SBF2: variants seen among roughly 807,000 people sequenced by gnomAD.
The protein encoded by SBF2 is myotubularin-related protein 13.
Under a neutral mutation model 225.2 loss-of-function variants are expected in SBF2, and 112 were observed. The ratio of observed to expected loss-of-function variants is 0.50; its 90% CI spans 0.43 to 0.58. The LOEUF is 0.58. Ranked by LOEUF, SBF2 falls within the 20% of genes least tolerant of loss-of-function variation. The probability of loss-of-function intolerance (pLI) is 0.00; values close to 1 mark genes in which losing one functional copy is unlikely to be tolerated. For synonymous variants in SBF2, 763 were observed against 773.3 expected (o/e 0.99, Z 0.22); for missense variants, 1,996 against 2,206.2 (o/e 0.90, Z 1.91).
chr11:10,196,611 T>G (rs1224936160), intron 1 of SBF2, among the ~76,000 whole-genome samples: 1 of 151,764 alleles, frequency 6.6e-6, no homozygotes, highest in Non-Finnish European at 1.5e-5. Flanking sequence ...ACTTCTGGAC[T>G]CAAGCAATCC....
chr11:9,910,889 A>C (rs566765634), intron 16 of SBF2, among the ~76,000 whole-genome samples: 50 of 106,130 alleles, frequency 4.7e-4, no homozygotes, highest in Middle Eastern at 4.3e-3. Context: ...CTACTAAAAT[A>C]CAAAAAAAAA....
chr11:9,866,117 T>C (rs1325663085), intron 17 of SBF2, among the ~76,000 whole-genome samples: 3 of 152,310 alleles, frequency 2.0e-5, no homozygotes, highest in Non-Finnish European at 4.4e-5. Flanking sequence ...TTATTGCATA[T>C]TGGTTATTTT....
intron 3 of SBF2, among the ~76,000 whole-genome samples, chr11:10,031,761 G>A: frequency 6.6e-6 from 1 of 152,274 alleles, no homozygotes; most frequent in South Asian, 2.1e-4. Context: ...TTCCGTTTTT[G>A]AAACAAGGTC....
chr11:9,927,469 A>T (rs1864143301), intron 16 of SBF2, among the ~76,000 whole-genome samples: 1 of 152,204 alleles, frequency 6.6e-6, no homozygotes, highest in Admixed American at 6.5e-5. Context: ...ATGCAGTACT[A>T]TGTGCCTATA....
At chr11:9,808,362 A>G (rs1045418510) in intron 31 of SBF2, 177 bp from the exon 32 acceptor site, 1 of 641,064 alleles carries the variant, frequency 1.6e-6, no homozygotes, top group African/African-American at 1.8e-5. Flanking sequence ...TGCCAGTAAA[A>G]ACTAAAGCTC....
intron 1 of SBF2, among the ~76,000 whole-genome samples, chr11:10,236,618 C>T (rs1424909857): frequency 6.6e-6 from 1 of 151,886 alleles, no homozygotes; most frequent in Non-Finnish European, 1.5e-5. Flanking sequence ...CACCACTATA[C>T]CCAGCTAATT....
chr11:10,134,626 G>A (rs1954258684), intron 2 of SBF2, among the ~76,000 whole-genome samples: 1 of 152,212 alleles, frequency 6.6e-6, no homozygotes. Context: ...AGGGGTTACA[G>A]GCACTGTGCA....
chr11:10,243,346 A>G (rs1959421403), intron 1 of SBF2, among the ~76,000 whole-genome samples: 1 of 152,000 alleles, frequency 6.6e-6, no homozygotes, highest in South Asian at 2.1e-4. Flanking sequence ...TGAAGTTTAT[A>G]ATGATAAATG....
intron 1 of SBF2, among the ~76,000 whole-genome samples, chr11:10,261,028 C>T (rs1439108932): frequency 6.6e-6 from 1 of 151,870 alleles, no homozygotes; most frequent in East Asian, 1.9e-4. Context: ...CTGAACAGAC[C>T]CTTCACCAAA....
chr11:10,276,395 A>G (rs577911516), intron 1 of SBF2, among the ~76,000 whole-genome samples: 16 of 152,304 alleles, frequency 1.1e-4, no homozygotes, highest in African/African-American at 3.6e-4. Flanking sequence ...GCCTAGTAAA[A>G]TAGTTGGAAA....
chr11:10,285,291 C>T (rs1455927667), intron 1 of SBF2, among the ~76,000 whole-genome samples: 1 of 149,550 alleles, frequency 6.7e-6, no homozygotes, highest in Non-Finnish European at 1.5e-5. Flanking sequence ...GCCTGGTCAA[C>T]AGAGTGAGAC....
At chr11:10,109,552 G>A (rs1952736288) in intron 2 of SBF2, among the ~76,000 whole-genome samples, 1 of 152,184 alleles carries the variant, frequency 6.6e-6, no homozygotes, top group African/African-American at 2.4e-5. Context: ...GGGAGGCTGA[G>A]GGAGGCACTC....
chr11:9,962,197 T>C (rs1481514716), intron 15 of SBF2, 91 bp from the exon 16 acceptor site: 7 of 1,109,672 alleles, frequency 6.3e-6, no homozygotes, highest in Non-Finnish European at 8.2e-6. Context: ...AAACGCATCC[T>C]ATAATTTATT....
intron 2 of SBF2, among the ~76,000 whole-genome samples, chr11:10,078,995 C>A (rs1951246911): frequency 6.6e-6 from 1 of 151,872 alleles, no homozygotes; most frequent in African/African-American, 2.4e-5. Context: ...CAAATGCACC[C>A]ATAAGCAAAG....
At chr11:9,875,967 T>TC (rs1306011051) in intron 17 of SBF2, among the ~76,000 whole-genome samples, 2 of 151,972 alleles carry the variant, frequency 1.3e-5, no homozygotes, top group African/African-American at 4.8e-5. Context: ...AGATTTTTTT[T>TC]TTTTCACTAA....
intron 17 of SBF2, among the ~76,000 whole-genome samples, chr11:9,889,642 T>G (rs992697345): frequency 4.6e-5 from 7 of 152,302 alleles, no homozygotes; most frequent in Non-Finnish European, 7.3e-5. Flanking sequence ...GCACTCCAGG[T>G]GTGGAAAATT....
At chr11:10,070,162 T>G (rs963183570) in intron 2 of SBF2, among the ~76,000 whole-genome samples, 1 of 152,230 alleles carries the variant, frequency 6.6e-6, no homozygotes, top group African/African-American at 2.4e-5. Flanking sequence ...TTAGTTTAAT[T>G]AGATCCCATT....
chr11:10,275,622 TAAAA>T, intron 1 of SBF2, among the ~76,000 whole-genome samples: 1 of 137,820 alleles, frequency 7.3e-6, no homozygotes, highest in East Asian at 2.0e-4. Context: ...TTCATTAATT[TAAAA>T]AAAAAAAAAA....
chr11:10,070,855 C>G (rs1950838248), intron 2 of SBF2, among the ~76,000 whole-genome samples: 1 of 151,822 alleles, frequency 6.6e-6, no homozygotes, highest in Non-Finnish European at 1.5e-5. Flanking sequence ...GTTTGTAGTT[C>G]TCCCTGAAGA....
Sources: gnomAD v4.1 joint callset for allele counts (sites outside exome capture counted in the v4.1 genomes callset) on GRCh38, gnomAD v4.1.1 for gene constraint, MANE v1.5 for transcripts, NCBI Gene and HGNC (gene_info 2026-07-23, HGNC 2026-07-21) for gene names.